The following ESRRB variants were observed in gnomAD, a reference collection of about 807,000 sequenced individuals.
ESRRB encodes the protein steroid hormone receptor ERR2.
ESRRB carries 16 observed loss-of-function variants against 46.0 expected under a neutral mutation model. The ratio of observed to expected loss-of-function variants is 0.35; its 90% CI spans 0.24 to 0.53. ESRRB has a LOEUF of 0.53. ESRRB is among the 20% of genes least tolerant of loss of function. The pLI is 0.93. For missense variants in ESRRB, 488 were observed against 607.4 expected (o/e 0.80, Z 2.07); for synonymous variants, 246 against 259.6 (o/e 0.95, Z 0.50).
intron 1 of ESRRB, among the ~76,000 whole-genome samples, chr14:76,406,322 C>G (rs1345133419): frequency 6.6e-6 from 1 of 152,134 alleles, no homozygotes; most frequent in Non-Finnish European, 1.5e-5. Flanking sequence ...GGGCTTGGTT[C>G]TCAATGGTTT....
At chr14:76,463,823 G>T (rs1158863779) in intron 3 of ESRRB, among the ~76,000 whole-genome samples, 1 of 152,030 alleles carries the variant, frequency 6.6e-6, no homozygotes, top group Admixed American at 6.6e-5. Flanking sequence ...AACTGCTCCA[G>T]GTCTCCTCTT....
At chr14:76,358,957 G>A (rs924835698) in intron 1 of ESRRB, among the ~76,000 whole-genome samples, 2 of 152,192 alleles carry the variant, frequency 1.3e-5, no homozygotes, top group South Asian at 2.1e-4. Flanking sequence ...GGTGGGACCC[G>A]AGAATATGCA....
At chr14:76,367,037 G>T (rs563683195), upstream of ESRRB, among the ~76,000 whole-genome samples, 3 of 152,274 alleles carry the variant, frequency 2.0e-5, no homozygotes, top group South Asian at 4.1e-4. Context: ...GTTTGACTTA[G>T]CCCTGGTCGT....
intron 1 of ESRRB, among the ~76,000 whole-genome samples, chr14:76,311,731 C>G (rs994701474): frequency 6.6e-6 from 1 of 152,182 alleles, no homozygotes; most frequent in Middle Eastern, 3.2e-3. Context: ...TATCGTGAGG[C>G]TTGTCAAAGC....
chr14:76,315,975 G>A (rs1449713054), intron 1 of ESRRB, among the ~76,000 whole-genome samples: 1 of 152,196 alleles, frequency 6.6e-6, no homozygotes, highest in Non-Finnish European at 1.5e-5. Flanking sequence ...ATTCCAGTGA[G>A]CACTTTTGTT....
chr14:76,492,205 C>T (rs1566616507), intron 6 of ESRRB, among the ~76,000 whole-genome samples: 1 of 152,194 alleles, frequency 6.6e-6, no homozygotes, highest in Non-Finnish European at 1.5e-5. Flanking sequence ...GTTCTGTCGC[C>T]CAGGTAGGAG....
chr14:76,383,363 A>G (rs773432454), intron 1 of ESRRB, among the ~76,000 whole-genome samples: 10 of 150,742 alleles, frequency 6.6e-5, no homozygotes, highest in Non-Finnish European at 1.0e-4. Context: ...TGGCATTTTC[A>G]TCTGGCTTAT....
chr14:76,388,059 G>T (rs1289352335), intron 1 of ESRRB, among the ~76,000 whole-genome samples: 1 of 152,018 alleles, frequency 6.6e-6, no homozygotes, highest in African/African-American at 2.4e-5. Flanking sequence ...TTTGCCCAAG[G>T]TCACACAGCT....
chr14:76,410,937 C>T (rs1435847567), intron 1 of ESRRB, among the ~76,000 whole-genome samples: 1 of 151,986 alleles, frequency 6.6e-6, no homozygotes, highest in Non-Finnish European at 1.5e-5. Context: ...GCAAGTGCCA[C>T]CAAGCCCGGC....
chr14:76,417,129 T>C (rs1229567674), intron 1 of ESRRB, among the ~76,000 whole-genome samples: 1 of 151,918 alleles, frequency 6.6e-6, no homozygotes, highest in Admixed American at 6.6e-5. Flanking sequence ...AGAGTGAGAC[T>C]CCATCTCAAA....
intron 2 of ESRRB, among the ~76,000 whole-genome samples, chr14:76,458,433 C>G (rs1888705579): frequency 9.6e-6 from 1 of 104,286 alleles, no homozygotes; most frequent in Non-Finnish European, 1.7e-5. Flanking sequence ...CTGACACACA[C>G]ACACACACAC....
intron 1 of ESRRB, among the ~76,000 whole-genome samples, chr14:76,362,058 G>T (rs929810261): frequency 2.0e-5 from 3 of 152,188 alleles, no homozygotes; most frequent in Admixed American, 6.5e-5. Flanking sequence ...CAGTGTGGGT[G>T]CTGGATGGTT....
intron 1 of ESRRB, among the ~76,000 whole-genome samples, chr14:76,413,355 C>T (rs961707181): frequency 1.3e-5 from 2 of 152,200 alleles, no homozygotes; most frequent in South Asian, 2.1e-4. Context: ...ACCTGTGTCC[C>T]GGACTTCCCA....
intron 1 of ESRRB, among the ~76,000 whole-genome samples, chr14:76,393,239 T>C (rs912853597): frequency 3.9e-5 from 6 of 152,140 alleles, no homozygotes; most frequent in African/African-American, 1.4e-4. Flanking sequence ...GAGGCCATAG[T>C]TGGAAACCTG....
intron 1 of ESRRB, among the ~76,000 whole-genome samples, chr14:76,339,231 T>A (rs1431719471): frequency 1.3e-5 from 2 of 152,164 alleles, no homozygotes; most frequent in East Asian, 3.9e-4. Flanking sequence ...GAAATCAGCA[T>A]CGACTCCACT....
chr14:76,492,177 T>C (rs1240732239), intron 6 of ESRRB, among the ~76,000 whole-genome samples: 1 of 152,230 alleles, frequency 6.6e-6, no homozygotes, highest in Admixed American at 6.5e-5. Context: ...TTTATTTGTT[T>C]ATTATAGACG....
chr14:76,399,203 A>T (rs1885830998), intron 1 of ESRRB, among the ~76,000 whole-genome samples: 1 of 152,088 alleles, frequency 6.6e-6, no homozygotes, highest in Non-Finnish European at 1.5e-5. Flanking sequence ...TGTTTTAACC[A>T]GCGCGTATAT....
At chr14:76,316,749 GAA>G (rs58419416) in intron 1 of ESRRB, among the ~76,000 whole-genome samples, 3 of 150,026 alleles carry the variant, frequency 2.0e-5, no homozygotes, top group Non-Finnish European at 4.4e-5. Flanking sequence ...CTCTGTCCAG[GAA>G]AAAAAAATGA....
intron 1 of ESRRB, chr14:76,404,339 T>C (rs1886077954): frequency 6.7e-6 from 1 of 149,138 alleles, no homozygotes; most frequent in Non-Finnish European, 1.5e-5. Context: ...AAATTCTTTA[T>C]ATATATTATT....
Sources: allele counts gnomAD v4.1 joint callset (sites outside exome capture counted in the v4.1 genomes callset), GRCh38; gene constraint gnomAD v4.1.1; transcripts MANE v1.5; gene names NCBI Gene and HGNC (gene_info 2026-07-23, HGNC 2026-07-21).